The following RPS6KC1 variants were observed in gnomAD, a reference collection of about 807,000 sequenced individuals.
The protein encoded by RPS6KC1 is ribosomal protein S6 kinase C1, also known as inactive ribosomal protein S6 kinase delta-1.
RPS6KC1 carries 54 observed loss-of-function variants against 103.8 expected under a neutral mutation model. The observed-to-expected ratio is 0.52, with a 90% confidence interval of 0.42 to 0.65. RPS6KC1 has a LOEUF of 0.65. Among genes scored for constraint, RPS6KC1 ranks in the 30% least tolerant of loss-of-function variants. The pLI is 0.00. For synonymous variants in RPS6KC1, 439 were observed against 438.7 expected (o/e 1.00, Z -0.01); for missense variants, 1,151 against 1,253.8 (o/e 0.92, Z 1.24).
chr1:213,770,264 T>G, the RPS6KC1 span, among the ~76,000 whole-genome samples: 1 of 152,212 alleles, frequency 6.6e-6, no homozygotes, highest in Admixed American at 6.5e-5. Flanking sequence ...CTCCTCCTTA[T>G]TCTTGGTCCA....
the RPS6KC1 span, among the ~76,000 whole-genome samples, chr1:213,373,105 A>T: frequency 5.9e-5 from 9 of 152,204 alleles, no homozygotes; most frequent in Non-Finnish European, 1.0e-4. Context: ...TAATCCTCTA[A>T]CGAAAAAGCA....
At chr1:213,051,795 T>C (rs2076972161) in intron 1 of RPS6KC1, among the ~76,000 whole-genome samples, 1 of 152,222 alleles carries the variant, frequency 6.6e-6, no homozygotes, top group African/African-American at 2.4e-5. Flanking sequence ...CCATCCCGTT[T>C]GGACTTTCTC....
intron 14 of RPS6KC1, among the ~76,000 whole-genome samples, chr1:213,263,025 G>T (rs963818764): frequency 4.6e-5 from 7 of 152,032 alleles, no homozygotes; most frequent in Non-Finnish European, 1.0e-4. Context: ...AAACTTCTTG[G>T]TATTAATTTT....
the RPS6KC1 span, among the ~76,000 whole-genome samples, chr1:213,753,455 C>T: frequency 2.0e-5 from 3 of 152,160 alleles, no homozygotes. Context: ...CAGACACATC[C>T]TTTGGGTCAA....
At chr1:213,318,535 T>C in the RPS6KC1 span, among the ~76,000 whole-genome samples, 1 of 152,266 alleles carries the variant, frequency 6.6e-6, no homozygotes, top group Non-Finnish European at 1.5e-5. Context: ...TTTCCTACTA[T>C]GTGTCTGTAT....
chr1:213,544,320 GA>G, the RPS6KC1 span, among the ~76,000 whole-genome samples: 1 of 152,134 alleles, frequency 6.6e-6, no homozygotes, highest in Non-Finnish European at 1.5e-5. Context: ...AGTAAGGACA[GA>G]CTCCAGGAGA....
intron 8 of RPS6KC1, among the ~76,000 whole-genome samples, chr1:213,227,044 A>G (rs1268756521): frequency 6.6e-6 from 1 of 152,204 alleles, no homozygotes; most frequent in African/African-American, 2.4e-5. Flanking sequence ...TGCACTCCAG[A>G]GAGTACAATC....
At chr1:213,510,315 A>G in the RPS6KC1 span, among the ~76,000 whole-genome samples, 24 of 152,238 alleles carry the variant, frequency 1.6e-4, no homozygotes, top group Admixed American at 3.3e-4. Flanking sequence ...AGTGTCCCCA[A>G]ATGCCTGACT....
chr1:213,322,315 G>A, the RPS6KC1 span, among the ~76,000 whole-genome samples: 63 of 152,162 alleles, frequency 4.1e-4, 1 homozygote, highest in African/African-American at 1.4e-3. Flanking sequence ...AATTATGAGG[G>A]CTAGGTCAGG....
At chr1:213,702,116 C>T in the RPS6KC1 span, among the ~76,000 whole-genome samples, 37,435 of 151,512 alleles carry the variant, frequency 0.25, 5,789 homozygotes, top group East Asian at 0.54. Flanking sequence ...GTTGTGTTTC[C>T]ATTATCATCT....
intron 1 of RPS6KC1, among the ~76,000 whole-genome samples, chr1:213,057,595 C>T (rs1171232822): frequency 6.6e-6 from 1 of 151,842 alleles, no homozygotes; most frequent in Admixed American, 6.6e-5. Context: ...GCCTTTTAGA[C>T]TGATAATTTG....
chr1:213,374,853 G>C, the RPS6KC1 span, among the ~76,000 whole-genome samples: 3 of 152,248 alleles, frequency 2.0e-5, no homozygotes, highest in Non-Finnish European at 4.4e-5. Context: ...CTCTGGGAGG[G>C]GGGCCTTGGC....
the RPS6KC1 span, among the ~76,000 whole-genome samples, chr1:213,706,709 C>T: frequency 2.0e-5 from 3 of 152,226 alleles, no homozygotes; most frequent in South Asian, 2.1e-4. Context: ...GCCCCCCACC[C>T]GTTGACAGGC....
chr1:213,763,243 A>G, the RPS6KC1 span, among the ~76,000 whole-genome samples: 2 of 152,180 alleles, frequency 1.3e-5, no homozygotes, highest in Admixed American at 6.5e-5. Context: ...GTCAGCCCAA[A>G]AAACAGGAAC....
intron 8 of RPS6KC1, among the ~76,000 whole-genome samples, chr1:213,195,273 C>T (rs796602713): frequency 4.9e-4 from 74 of 152,222 alleles, no homozygotes; most frequent in African/African-American, 1.7e-3. Flanking sequence ...AATATGTACA[C>T]ACATAATACC....
At chr1:213,507,838 A>T in the RPS6KC1 span, among the ~76,000 whole-genome samples, 1 of 152,236 alleles carries the variant, frequency 6.6e-6, no homozygotes, top group African/African-American at 2.4e-5. Context: ...GAAGTGCAGC[A>T]TTGTACAGCA....
At chr1:213,445,841 C>G in the RPS6KC1 span, among the ~76,000 whole-genome samples, 1 of 152,114 alleles carries the variant, frequency 6.6e-6, no homozygotes, top group African/African-American at 2.4e-5. Context: ...AGGTACCCCT[C>G]GCATTCATGG....
the RPS6KC1 span, among the ~76,000 whole-genome samples, chr1:213,400,454 A>T: frequency 1.3e-5 from 2 of 152,100 alleles, no homozygotes; most frequent in South Asian, 4.1e-4. Context: ...AGCAATGTAC[A>T]ATTTTTGGTC....
the RPS6KC1 span, among the ~76,000 whole-genome samples, chr1:213,715,296 C>T: frequency 6.6e-6 from 1 of 152,218 alleles, no homozygotes; most frequent in African/African-American, 2.4e-5. Flanking sequence ...AGAGGCAGAT[C>T]TGAGCTCTTA....
Sources: gnomAD v4.1 joint callset for allele counts (sites outside exome capture counted in the v4.1 genomes callset) on GRCh38, gnomAD v4.1.1 for gene constraint, MANE v1.5 for transcripts, NCBI Gene and HGNC (gene_info 2026-07-23, HGNC 2026-07-21) for gene names.